Variants in PREX1 observed in about 807,000 individuals in gnomAD.
PREX1 encodes phosphatidylinositol 3,4,5-trisphosphate-dependent Rac exchanger 1 protein.
A neutral mutation model predicts 198.3 loss-of-function variants in PREX1; 41 were observed. The observed-to-expected ratio is 0.21, with a 90% confidence interval of 0.16 to 0.27. PREX1 has a LOEUF of 0.27. Ranked by LOEUF, PREX1 falls within the 10% of genes least tolerant of loss-of-function variation. The pLI is 1.00. For synonymous variants in PREX1, 843 were observed against 887.2 expected, an observed-to-expected ratio of 0.95 and a Z score of 0.89; for missense variants, 1,620 against 2,200.7, an observed-to-expected ratio of 0.74 and a Z score of 5.28.
chr20:48,702,738 C>A (rs2089882005), intron 6 of PREX1, among the ~76,000 whole-genome samples: 1 of 152,388 alleles, frequency 6.6e-6, no homozygotes, highest in Non-Finnish European at 1.5e-5. Context: ...CGCCTCTGCA[C>A]TGCTAATGAG....
the PREX1 span, among the ~76,000 whole-genome samples, chr20:48,883,708 C>T: frequency 7.6e-3 from 1,153 of 152,132 alleles, 33 homozygotes; most frequent in African/African-American, 0.026. Context: ...GCTGTGAAGA[C>T]TTGAAAACAC....
intron 14 of PREX1, among the ~76,000 whole-genome samples, chr20:48,672,307 G>A (rs559208171): frequency 1.3e-5 from 2 of 152,204 alleles, no homozygotes; most frequent in Non-Finnish European, 2.9e-5. Flanking sequence ...TCACCCATGA[G>A]CAACCTATTA....
chr20:48,713,102 C>T (rs2089941570), intron 5 of PREX1, among the ~76,000 whole-genome samples: 1 of 151,858 alleles, frequency 6.6e-6, no homozygotes, highest in Non-Finnish European at 1.5e-5. Flanking sequence ...GATTGCGCCA[C>T]TGCACTCCAG....
chr20:48,862,788 AAAATATATAT>A, the PREX1 span, among the ~76,000 whole-genome samples: 4 of 49,838 alleles, frequency 8.0e-5, 1 homozygote, highest in African/African-American at 3.6e-4. Flanking sequence ...CCTAAAAAAA[AAAATATATAT>A]ATATATATAT....
chr20:48,764,960 A>AC (rs1339984240), intron 1 of PREX1, among the ~76,000 whole-genome samples: 2 of 151,544 alleles, frequency 1.3e-5, no homozygotes, highest in Admixed American at 6.6e-5. Flanking sequence ...TTCTCCCCAG[A>AC]CCCCCCAGGA....
chr20:48,650,673 G>C (rs1217559647), intron 23 of PREX1, among the ~76,000 whole-genome samples: 1 of 152,256 alleles, frequency 6.6e-6, no homozygotes, highest in Non-Finnish European at 1.5e-5. Flanking sequence ...GCCTGAGAGT[G>C]AACCCAGCGC....
In PREX1 at chr20:48,723,929, G is replaced by A. The variant is rs746315251; in HGVS notation, c.621+2361C>T. On this transcript the variant is annotated intron_variant, in intron 5 of 39. Coordinates refer to ENST00000371941, the MANE Select transcript of PREX1 (RefSeq NM_020820.4). ...AGTGCCTGCTGGAACCCAGACTTTC[G>A]CAAGATCCAGAAACCAAACCTCAGT... Among the ~76,000 whole-genome samples the A allele has an allele frequency of 7.7e-4, 117 of 152,152 alleles. 1 individual carries two copies. Among genetic ancestry groups the A allele is most frequent in the Non-Finnish European group, 1.5e-3 (102 of 68,018 alleles).
At chr20:48,641,832 G>A (rs1216203682) in intron 29 of PREX1, among the ~76,000 whole-genome samples, 51 of 122,466 alleles carry the variant, frequency 4.2e-4, no homozygotes, top group Admixed American at 8.7e-4. Context: ...GAAAGAGAGA[G>A]AGAGAGAGAG....
chr20:48,744,666 C>G (rs955146564), intron 3 of PREX1, among the ~76,000 whole-genome samples: 1 of 152,252 alleles, frequency 6.6e-6, no homozygotes, highest in African/African-American at 2.4e-5. Context: ...AAACCCAGGT[C>G]TGTCTGATGC....
chr20:48,666,262 G>T lies in PREX1; in HGVS notation c.1738+21C>A. 6.5e-7 allele frequency: 1 copy of T among 1,550,170 alleles called. No individual in the cohort carries two copies. The stretch of plus-strand genomic sequence containing the variant: ...CAGGGAGCAAGGTCCCGGGGGCTGG[G>T]CTGCAGGTGGGGGTGGTTACCGTGG... On this transcript the variant is annotated intron_variant, in intron 15 of 39. Coordinates refer to ENST00000371941, the MANE Select transcript of PREX1 (RefSeq NM_020820.4). This position sits in a 1 kb window ranked among gnomAD's most constrained non-coding sequence, Gnocchi z 4.3.
intron 3 of PREX1, among the ~76,000 whole-genome samples, chr20:48,742,901 G>C (rs2090088814): frequency 6.6e-6 from 1 of 152,170 alleles, no homozygotes; most frequent in Non-Finnish European, 1.5e-5. Flanking sequence ...AGGAATGAGG[G>C]GGGCCAGGGC....
At chr20:48,708,462 A>C (rs1288677651) in intron 5 of PREX1, 41 bp from the exon 6 acceptor site, 2 of 1,606,928 alleles carry the variant, frequency 1.2e-6, no homozygotes, top group Non-Finnish European at 1.7e-6. Flanking sequence ...GCAAGACATC[A>C]ATCAATCCAG....
At chr20:48,710,861 C>T (rs2089927406) in intron 5 of PREX1, among the ~76,000 whole-genome samples, 2 of 152,212 alleles carry the variant, frequency 1.3e-5, no homozygotes, top group East Asian at 3.9e-4. Context: ...CGAGAAGCAG[C>T]AGGGAGGCCA....
intron 1 of PREX1, among the ~76,000 whole-genome samples, chr20:48,752,593 T>G (rs1184525455): frequency 6.6e-6 from 1 of 152,132 alleles, no homozygotes; most frequent in South Asian, 2.1e-4. Context: ...AAAAGACAGA[T>G]GAGGAAACTG....
At chr20:48,682,661 C>A (rs1449022718) in intron 10 of PREX1, among the ~76,000 whole-genome samples, 1 of 152,196 alleles carries the variant, frequency 6.6e-6, no homozygotes, top group Non-Finnish European at 1.5e-5. Context: ...GCAGCTTTCC[C>A]AGCTCCCACG....
chr20:48,678,766 C>A (rs2089727035), intron 13 of PREX1, among the ~76,000 whole-genome samples: 1 of 152,228 alleles, frequency 6.6e-6, no homozygotes, highest in South Asian at 2.1e-4. Flanking sequence ...GATTGAGAGG[C>A]CTCCCCAGCC....
chr20:48,862,790 A>AAAAAAAAAAAATATAT, the PREX1 span, among the ~76,000 whole-genome samples: 1 of 102,534 alleles, frequency 9.8e-6, no homozygotes, highest in African/African-American at 4.4e-5. Flanking sequence ...TAAAAAAAAA[A>AAAAAAAAAAAATATAT]ATATATATAT....
intron 4 of PREX1, among the ~76,000 whole-genome samples, chr20:48,727,506 C>T (rs372944062): frequency 6.6e-6 from 1 of 152,022 alleles, no homozygotes; most frequent in East Asian, 1.9e-4. Context: ...AAACACTGAC[C>T]AAGAGCTAAT....
intron 10 of PREX1, among the ~76,000 whole-genome samples, chr20:48,685,172 G>A (rs764403113): frequency 2.0e-5 from 3 of 152,236 alleles, no homozygotes; most frequent in East Asian, 3.9e-4. Context: ...TCCTATTCCC[G>A]ACTGGCACAT....
Sources: allele counts gnomAD v4.1 joint callset (sites outside exome capture counted in the v4.1 genomes callset), GRCh38; gene constraint gnomAD v4.1.1; non-coding constraint Gnocchi (gnomAD v3.1); transcripts MANE v1.5; gene names NCBI Gene and HGNC (gene_info 2026-07-23, HGNC 2026-07-21).